GRAMD1B: variants seen among roughly 807,000 people sequenced by gnomAD.
The protein encoded by GRAMD1B is GRAM domain containing 1B.
In GRAMD1B, 37 loss-of-function variants were observed where a neutral mutation model predicts 99.7. That is an observed-to-expected ratio of 0.37 (90% CI 0.29 to 0.49). GRAMD1B has a LOEUF of 0.49. Ranked by LOEUF, GRAMD1B falls within the 20% of genes least tolerant of loss-of-function variation. The probability of loss-of-function intolerance (pLI) is 0.98; values close to 1 mark genes in which losing one functional copy is unlikely to be tolerated. For missense variants in GRAMD1B, 888 were observed against 1,009.2 expected, an observed-to-expected ratio of 0.88 and a Z score of 1.63; for synonymous variants, 427 against 387.6, an observed-to-expected ratio of 1.10 and a Z score of -1.19.
intron 2 of GRAMD1B, among the ~76,000 whole-genome samples, chr11:123,568,777 C>A (rs770049341): frequency 2.0e-5 from 3 of 152,152 alleles, no homozygotes; most frequent in African/African-American, 4.8e-5. Flanking sequence ...GAAAAAAAAG[C>A]AACTCTTCTC....
chr11:123,451,933 A>C (rs896512594), intron 1 of GRAMD1B, among the ~76,000 whole-genome samples: 1 of 152,146 alleles, frequency 6.6e-6, no homozygotes, highest in Non-Finnish European at 1.5e-5. Context: ...TCCTGGGCTC[A>C]AGTGATCCTT....
chr11:123,561,616 G>C (rs939162774), intron 2 of GRAMD1B, among the ~76,000 whole-genome samples: 2 of 152,172 alleles, frequency 1.3e-5, no homozygotes, highest in Non-Finnish European at 2.9e-5. Flanking sequence ...CTCTGTCCCC[G>C]GGGCCTCAGC....
chr11:123,472,598 G>A (rs975109725), intron 1 of GRAMD1B, among the ~76,000 whole-genome samples: 1 of 152,158 alleles, frequency 6.6e-6, no homozygotes, highest in African/African-American at 2.4e-5. Context: ...TGAGAGAGAG[G>A]GGCACCCAAA....
intron 1 of GRAMD1B, among the ~76,000 whole-genome samples, chr11:123,404,023 T>C (rs4582988): frequency 0.14 from 21,383 of 152,182 alleles, 2,165 homozygotes; most frequent in African/African-American, 0.3. Context: ...ACATTTGACT[T>C]ACAGTGTTTC....
chr11:123,399,582 C>T (rs559969312), intron 1 of GRAMD1B, among the ~76,000 whole-genome samples: 23 of 151,808 alleles, frequency 1.5e-4, no homozygotes, highest in Admixed American at 1.4e-3. Context: ...TTCTCCACAT[C>T]CTTACCATAC....
At chr11:123,426,557 G>T (rs1426607593), upstream of GRAMD1B, among the ~76,000 whole-genome samples, 4 of 149,682 alleles carry the variant, frequency 2.7e-5, no homozygotes, top group Non-Finnish European at 5.9e-5. Context: ...TATGCTCACT[G>T]CCTGCTTCTT....
intron 1 of GRAMD1B, among the ~76,000 whole-genome samples, chr11:123,450,027 G>C (rs1487126998): frequency 1.3e-5 from 2 of 152,062 alleles, no homozygotes; most frequent in Non-Finnish European, 2.9e-5. Flanking sequence ...CTGAACCAGA[G>C]ACTGCCGTTC....
chr11:123,569,322 A>G (rs1266213725), intron 2 of GRAMD1B, among the ~76,000 whole-genome samples: 3 of 152,150 alleles, frequency 2.0e-5, no homozygotes, highest in Non-Finnish European at 4.4e-5. Flanking sequence ...GTGACTTGGT[A>G]GTTTGCTATC....
chr11:123,548,325 T>TATATATACACACACACAC (rs1555067740), intron 2 of GRAMD1B, among the ~76,000 whole-genome samples: 1 of 86,840 alleles, frequency 1.2e-5, no homozygotes, highest in Non-Finnish European at 2.1e-5. Flanking sequence ...TATATATATA[T>TATATATACACACACACAC]ACACACACAC....
rs908692500 is a variant in GRAMD1B, at chr11:123,510,956, G to A, written c.452+30063G>A. Among the ~76,000 whole-genome samples, 5 of 152,144 alleles carry A rather than the reference G, an allele frequency of 3.3e-5. No individual in the cohort carries two copies. Among genetic ancestry groups the A allele is most frequent in the African/African-American group, 9.7e-5 (4 of 41,434 alleles). ...GTGGATGAGGGGTGCAGGGTGGGGG[G>A]TGGAGGTATCTGTAGCTTTCATCTG... On this transcript the variant is annotated intron_variant, in intron 2 of 19. Coordinates refer to ENST00000635736, the MANE Select transcript of GRAMD1B (RefSeq NM_001387025.1). This position sits in a 1 kb window ranked among gnomAD's most constrained non-coding sequence, Gnocchi z 4.3.
chr11:123,508,270 G>A (rs1405664266), intron 2 of GRAMD1B, among the ~76,000 whole-genome samples: 1 of 152,136 alleles, frequency 6.6e-6, no homozygotes, highest in East Asian at 1.9e-4. Context: ...GAGTGCCTTA[G>A]ACAGGAAGAA....
chr11:123,571,516 A>T (rs1304654745), intron 2 of GRAMD1B, among the ~76,000 whole-genome samples: 1 of 152,208 alleles, frequency 6.6e-6, no homozygotes, highest in Non-Finnish European at 1.5e-5. Context: ...ATCAGACTTC[A>T]GGGAGCACTG....
intron 2 of GRAMD1B, among the ~76,000 whole-genome samples, chr11:123,518,183 G>A (rs758881704): frequency 1.3e-5 from 2 of 152,174 alleles, no homozygotes; most frequent in East Asian, 1.9e-4. Context: ...TGGGGCCACC[G>A]TTAAGTGCAG....
intron 11 of GRAMD1B, among the ~76,000 whole-genome samples, chr11:123,607,657 T>C (rs1952919156): frequency 6.7e-6 from 1 of 149,642 alleles, no homozygotes; most frequent in African/African-American, 2.5e-5. Flanking sequence ...GCTGCACTTG[T>C]GCAGTACCCA....
At chr11:123,441,501 G>A (rs1949404990) in intron 1 of GRAMD1B, among the ~76,000 whole-genome samples, 1 of 152,098 alleles carries the variant, frequency 6.6e-6, no homozygotes, top group African/African-American at 2.4e-5. Context: ...ATTAGCCAGG[G>A]CCAGGCATGG....
At chr11:123,445,250 G>A (rs928048028) in intron 1 of GRAMD1B, among the ~76,000 whole-genome samples, 2 of 152,202 alleles carry the variant, frequency 1.3e-5, no homozygotes, top group African/African-American at 2.4e-5. Context: ...TTGCCCGCAG[G>A]AATGTCAGTG....
intron 2 of GRAMD1B, among the ~76,000 whole-genome samples, chr11:123,517,909 C>T (rs1289519945): frequency 1.3e-5 from 2 of 152,164 alleles, no homozygotes; most frequent in Non-Finnish European, 1.5e-5. Context: ...TGGGTGCCCC[C>T]TCCCGGAGAG....
intron 1 of GRAMD1B, among the ~76,000 whole-genome samples, chr11:123,402,139 C>A (rs895478657): frequency 1.3e-5 from 2 of 152,176 alleles, no homozygotes; most frequent in Admixed American, 6.5e-5. Context: ...CCTCAGCCTC[C>A]CAAGTAGCTG....
chr11:123,601,984 G>T (rs1441373901), intron 8 of GRAMD1B, among the ~76,000 whole-genome samples: 4 of 152,234 alleles, frequency 2.6e-5, no homozygotes, highest in Non-Finnish European at 5.9e-5. Flanking sequence ...GTGGAGCAGG[G>T]CAGTATATGG....
Sources: allele counts gnomAD v4.1 joint callset (sites outside exome capture counted in the v4.1 genomes callset), GRCh38; gene constraint gnomAD v4.1.1; non-coding constraint Gnocchi (gnomAD v3.1); transcripts MANE v1.5; gene names NCBI Gene and HGNC (gene_info 2026-07-23, HGNC 2026-07-21).